ZNF831: variants seen among roughly 807,000 people sequenced by gnomAD.
ZNF831 encodes the protein zinc finger protein 831.
ZNF831 carries 59 observed loss-of-function variants against 95.8 expected under a neutral mutation model. The observed-to-expected ratio is 0.62, with a 90% CI of 0.50 to 0.77. The LOEUF (loss-of-function observed/expected upper bound fraction) is 0.77. ZNF831 is among the 30% of genes least tolerant of loss of function. The pLI, the probability that ZNF831 is intolerant of heterozygous loss-of-function variation, is 0.00. For synonymous variants in ZNF831, 961 were observed against 925.5 expected (o/e 1.04, Z -0.70); for missense variants, 2,205 against 2,164.0 (o/e 1.02, Z -0.38).
At chr20:59,250,801 G>T (rs1401402967) in intron 4 of ZNF831, among the ~76,000 whole-genome samples, 1 of 152,154 alleles carries the variant, frequency 6.6e-6, no homozygotes, top group Admixed American at 6.5e-5. Flanking sequence ...GGAATATAAA[G>T]TTGAGGAAAT....
chr20:59,203,460 G>C (rs1208464286), intron 3 of ZNF831, among the ~76,000 whole-genome samples: 2 of 152,138 alleles, frequency 1.3e-5, no homozygotes, highest in African/African-American at 4.8e-5. Context: ...GGGAGTACAG[G>C]CATGCACCAC....
intron 1 of ZNF831, among the ~76,000 whole-genome samples, chr20:59,178,898 T>C (rs1013859435): frequency 6.6e-6 from 1 of 152,134 alleles, no homozygotes; most frequent in Admixed American, 6.5e-5. Flanking sequence ...CATGGTGGGA[T>C]TTGGGTCGTC....
chr20:59,164,499 T>A (rs1022096213), intron 1 of ZNF831, among the ~76,000 whole-genome samples: 3 of 151,908 alleles, frequency 2.0e-5, no homozygotes, highest in East Asian at 1.9e-4. Context: ...TTATAAACTG[T>A]TTTTTTTCCC....
rs188068063 is a variant in ZNF831 at position 59,205,077 on chromosome 20, C to A, written c.3876-1828C>A. On this transcript the variant is annotated intron_variant, in intron 3 of 5. Transcript: ENST00000371030. The stretch of plus-strand genomic sequence containing the variant: ...TTGTTATTTTGCGTGAGGAGAAAGA[C>A]CCCCGCTTGCTAATTTTCTGAAAGT... Among the ~76,000 whole-genome samples, 183 of 152,210 alleles carry A rather than the reference C, an allele frequency of 1.2e-3. 1 individual carries two copies. The highest frequency in any genetic ancestry group is 4.1e-3 in the African/African-American group (172 of 41,504).
intron 4 of ZNF831, among the ~76,000 whole-genome samples, chr20:59,243,252 T>G (rs1987427042): frequency 6.6e-6 from 1 of 152,214 alleles, no homozygotes; most frequent in African/African-American, 2.4e-5. Flanking sequence ...TTAGGAAAAT[T>G]CCTCTGAGGC....
intron 1 of ZNF831, among the ~76,000 whole-genome samples, chr20:59,180,055 T>G (rs1982493535): frequency 6.6e-6 from 1 of 152,218 alleles, no homozygotes; most frequent in African/African-American, 2.4e-5. Flanking sequence ...AACTCTTCAC[T>G]CTCATAAACA....
chr20:59,239,745 A>G (rs941921770), intron 4 of ZNF831, among the ~76,000 whole-genome samples: 2 of 151,976 alleles, frequency 1.3e-5, no homozygotes, highest in Admixed American at 6.6e-5. Context: ...GCGTTTCACC[A>G]TGTTGGCCAG....
At chr20:59,186,294 G>C (rs189453128) in intron 1 of ZNF831, among the ~76,000 whole-genome samples, 2 of 152,268 alleles carry the variant, frequency 1.3e-5, no homozygotes, top group Admixed American at 6.5e-5. Flanking sequence ...CCCACCCCGA[G>C]ACAGCATCCC....
intron 2 of ZNF831, among the ~76,000 whole-genome samples, chr20:59,151,710 G>A (rs1311876935): frequency 6.6e-6 from 1 of 152,194 alleles, no homozygotes. Context: ...GAGATTTGTA[G>A]TAGTTTTAGC....
chr20:59,253,940 C>G lies in ZNF831; in HGVS notation c.4231C>G (p.His1411Asp), dbSNP rs367953655. The G allele has an allele frequency of 3.3e-6, 5 of 1,523,188 alleles. No homozygotes were observed. The highest frequency in any genetic ancestry group is 8.8e-7 in the Non-Finnish European group (1 of 1,132,616). 94.4% of individuals were successfully genotyped at this position (1,523,188 alleles called of 1,614,324 possible). A position where few individuals can be genotyped will look rare whatever the true frequency, so the allele number is the denominator to read the frequency against. ...TGGTGAGCATGGTGACTGTACTACT[C>G]ACAGCACTGCTGCCACATCAGGATT... ...SAGEHGDCTT[H>D]STAATSGLSL... The change falls in exon 6 of 6, where the codon CAC becomes GAC. Residue 1411 changes from histidine (H) to aspartate (D), a missense_variant. By Grantham distance (81) the His-to-Asp change is moderately conservative. Coordinates refer to ENST00000371030, the MANE Select transcript of ZNF831 (RefSeq NM_178457.3).
rs1247663055 is a variant in ZNF831 at position 59,254,367 on chromosome 20, T to C, written c.4658T>C (p.Ile1553Thr). ...LPGRPSSGQR[I>T]SDSVPLESTE... ...GGGAGACCTTCATCTGGACAAAGAA[T>C]TTCAGATTCGGTTCCACTGGAGTCA... is the stretch of plus-strand genomic sequence containing the variant. Residue 1553 changes from isoleucine to threonine, a missense_variant, in exon 6 of 6, where the codon ATT becomes ACT. Transcript: ENST00000371030. The surrounding 1 kb of genome is among the most constrained non-coding windows in gnomAD (Gnocchi z 4.5). The C allele has an allele frequency of 6.2e-7, 1 of 1,613,968 alleles. No individual in the cohort carries two copies. The highest frequency in any genetic ancestry group is 2.2e-5 in the East Asian group (1 of 44,858).
intron 1 of ZNF831, among the ~76,000 whole-genome samples, chr20:59,187,556 G>A (rs1983154508): frequency 6.6e-6 from 1 of 151,972 alleles, no homozygotes; most frequent in South Asian, 2.1e-4. Flanking sequence ...GCAGCCCAAA[G>A]TACTTTTAAA....
At chr20:59,158,799 GCA>G (rs767574100) in intron 2 of ZNF831, among the ~76,000 whole-genome samples, 1 of 152,162 alleles carries the variant, frequency 6.6e-6, no homozygotes, top group Non-Finnish European at 1.5e-5. Flanking sequence ...CAGAAAAGCT[GCA>G]CAGTTAGCAC....
At chr20:59,222,227 G>A (rs1986125117) in intron 4 of ZNF831, among the ~76,000 whole-genome samples, 1 of 152,166 alleles carries the variant, frequency 6.6e-6, no homozygotes, top group South Asian at 2.1e-4. Flanking sequence ...CCACGGGCTG[G>A]GCTGAGCTGG....
intron 4 of ZNF831, among the ~76,000 whole-genome samples, chr20:59,220,352 C>T (rs1439479143): frequency 6.6e-6 from 1 of 152,168 alleles, no homozygotes; most frequent in East Asian, 1.9e-4. Context: ...GGTCTGTTTC[C>T]CCGACACCCA....
chr20:59,185,103 C>G (rs1009241100), intron 1 of ZNF831, among the ~76,000 whole-genome samples: 6 of 152,190 alleles, frequency 3.9e-5, no homozygotes, highest in African/African-American at 1.4e-4. Flanking sequence ...AGCCTTCTAG[C>G]GAGCTGCTTT....
At chr20:59,253,859 T>TACC in intron 5 of ZNF831, 39 bp from the exon 6 acceptor site, 11 of 915,762 alleles carry the variant, frequency 1.2e-5, no homozygotes, top group South Asian at 2.4e-5. Flanking sequence ...CCAATTAACC[T>TACC]CCCCCCCCAC....
At chr20:59,164,363 T>C (rs1981087627) in intron 1 of ZNF831, among the ~76,000 whole-genome samples, 156 bp downstream of exon 1, 1 of 152,248 alleles carries the variant, frequency 6.6e-6, no homozygotes, top group Non-Finnish European at 1.5e-5. Flanking sequence ...AGTAATTCTC[T>C]CATGTGCTTA....
chr20:59,240,566 C>A (rs948618447), intron 4 of ZNF831, among the ~76,000 whole-genome samples: 13 of 152,194 alleles, frequency 8.5e-5, no homozygotes, highest in Non-Finnish European at 1.6e-4. Context: ...CTTTGGGAGG[C>A]TGAGGCGGGC....
Sources: gnomAD v4.1 joint callset for allele counts (sites outside exome capture counted in the v4.1 genomes callset) on GRCh38, gnomAD v4.1.1 for gene constraint, Gnocchi (gnomAD v3.1) non-coding constraint, MANE v1.5 for transcripts, NCBI Gene and HGNC (gene_info 2026-07-23, HGNC 2026-07-21) for gene names.